MS4A7: variants seen among roughly 807,000 people sequenced by gnomAD.
MS4A7 encodes the protein membrane spanning 4-domains A7.
MS4A7 carries 21 observed loss-of-function variants against 23.5 expected under a neutral mutation model. The observed-to-expected ratio is 0.89, with a 90% CI of 0.63 to 1.29. MS4A7 has a LOEUF of 1.29. Among genes scored for constraint, MS4A7 ranks in the 50% most tolerant of loss-of-function variants. The pLI, the probability that MS4A7 is intolerant of heterozygous loss-of-function variation, is 0.00. For synonymous variants in MS4A7, 111 were observed against 107.4 expected (o/e 1.03, Z -0.21); for missense variants, 263 against 274.2 (o/e 0.96, Z 0.29).
Position 60,389,503 on chromosome 11 carries a change from A to G in MS4A7, c.453A>G (p.Ser151=). Reference sequence around the variant, plus strand: ...GGACTGCCTCTCAACATTGTGGCTCAGAAATGGATTATCTATCCTCATTGC... The same window carrying G: ...GGACTGCCTCTCAACATTGTGGCTCGGAAATGGATTATCTATCCTCATTGC... ...ALRTASQHCG[S]EMDYLSSLPY... is the part of the protein sequence containing the mutation. The change falls in exon 5 of 7, where the codon TCA becomes TCG. Residue 151 remains serine, a synonymous_variant. Coordinates refer to ENST00000300184, the MANE Select transcript of MS4A7 (RefSeq NM_021201.5). 1.2e-6 allele frequency: 2 copies of G among 1,614,124 alleles called. No individual in the cohort carries two copies. Among genetic ancestry groups the G allele is most frequent in the South Asian group, 2.2e-5 (2 of 91,086 alleles).
chr11:60,392,190 A>T (rs890045312), intron 5 of MS4A7, among the ~76,000 whole-genome samples: 4 of 152,140 alleles, frequency 2.6e-5, no homozygotes, highest in Non-Finnish European at 4.4e-5. Flanking sequence ...CCTAAAAGGT[A>T]TGATGGATGC....
chr11:60,385,704 G>A (rs1184691256), intron 3 of MS4A7, among the ~76,000 whole-genome samples: 1 of 152,184 alleles, frequency 6.6e-6, no homozygotes, highest in Non-Finnish European at 1.5e-5. Flanking sequence ...CATGCTTGCT[G>A]TGTGTCCAGA....
intron 1 of MS4A7, among the ~76,000 whole-genome samples, chr11:60,379,201 C>A (rs1183464143): frequency 6.6e-6 from 1 of 152,180 alleles, no homozygotes; most frequent in Non-Finnish European, 1.5e-5. Flanking sequence ...CATAAAGAAT[C>A]TTGGTTATAT....
intron 2 of MS4A7, 93 bp from the exon 3 acceptor site, chr11:60,384,995 A>ATTT (rs79791578): frequency 0.24 from 290,923 of 1,194,574 alleles, 37,755 homozygotes; most frequent in Non-Finnish European, 0.26. Flanking sequence ...ATTATAATGT[A>ATTT]TTTTATACTC....
chr11:60,394,908 C>A lies in MS4A7; in HGVS notation c.*1047C>A, dbSNP rs943257657. ...AATAAAATAAAAAAGAATATTCAGT[C>A]GTTGGCACATAAACTATGTTCTCTT... On this transcript the variant is annotated 3_prime_UTR_variant, in exon 7 of 7. Transcript: ENST00000300184. 1 of 585,704 alleles carries A rather than the reference C, an allele frequency of 1.7e-6. No individual in the cohort carries two copies. Among genetic ancestry groups the A allele is most frequent in the Non-Finnish European group, 3.1e-6 (1 of 323,786 alleles). The allele number at this position is 585,704 out of a possible 1,614,324, so 36.3% of individuals were successfully genotyped here.
chr11:60,383,047 T>C, intron 1 of MS4A7, 82 bp from the exon 2 acceptor site: 1 of 1,449,218 alleles, frequency 6.9e-7, no homozygotes, highest in Non-Finnish European at 9.4e-7. Flanking sequence ...CCTTCTTAAG[T>C]TCCTACAAAG....
At chr11:60,391,508 T>G (rs2085549649) in intron 5 of MS4A7, among the ~76,000 whole-genome samples, 1 of 151,998 alleles carries the variant, frequency 6.6e-6, no homozygotes, top group African/African-American at 2.4e-5. Flanking sequence ...AAAAAATGAG[T>G]AGCGGCAGCA....
chr11:60,383,304 T>C lies in MS4A7; in HGVS notation c.147+16T>C. 6.2e-7 allele frequency: 1 copy of C among 1,613,702 alleles called. No individual in the cohort carries two copies. On this transcript the variant is annotated intron_variant, in intron 2 of 6. Transcript: ENST00000300184. The stretch of plus-strand genomic sequence containing the variant: ...CGTTCTTGGGGTAAGTCCACCTCAT[T>C]ATAAGGGGAATACTGAGAAAATACT...
intron 5 of MS4A7, 75 bp from the exon 6 acceptor site, chr11:60,392,610 T>A: frequency 9.1e-7 from 1 of 1,093,782 alleles, no homozygotes; most frequent in Non-Finnish European, 1.4e-6. Flanking sequence ...TGGAGCCTCA[T>A]CGCCCTGTCT....
Position 60,394,084 on chromosome 11 carries a change from G to A in MS4A7, c.*223G>A. 2.6e-6 allele frequency: 1 copy of A among 380,688 alleles called. No individual in the cohort carries two copies. The allele number at this position is 380,688 out of a possible 1,614,324, so 23.6% of individuals were successfully genotyped here. A position where few individuals can be genotyped will look rare whatever the true frequency, so the allele number is the denominator to read the frequency against. ...TGTTATCAGCCAGTCTTCCAAAATG[G>A]TCATAAACTTTATAAACTGCTTTGG... On this transcript the variant is annotated 3_prime_UTR_variant, in exon 7 of 7. Transcript: ENST00000300184.
At chr11:60,383,334 AAAT>A in intron 2 of MS4A7, 46 bp downstream of exon 2, 1 of 1,603,226 alleles carries the variant, frequency 6.2e-7, no homozygotes, top group Non-Finnish European at 8.5e-7. Flanking sequence ...AATACTTTGT[AAAT>A]GTATCTAGAC....
At chr11:60,379,002 C>T (rs1388301090) in intron 1 of MS4A7, among the ~76,000 whole-genome samples, 1 of 152,210 alleles carries the variant, frequency 6.6e-6, no homozygotes, top group Non-Finnish European at 1.5e-5. Flanking sequence ...TTCTGTAATA[C>T]AGAAAATTGC....
intron 4 of MS4A7, among the ~76,000 whole-genome samples, chr11:60,387,485 C>A (rs546661127): frequency 2.0e-5 from 3 of 152,068 alleles, no homozygotes; most frequent in Non-Finnish European, 4.4e-5. Context: ...AGGGTGTTGC[C>A]GTCTTCATCC....
At position 60,386,750 on chromosome 11, in the gene MS4A7, G is replaced by A. The variant is rs749188985; in HGVS notation, c.316G>A (p.Gly106Arg). The A allele has an allele frequency of 6.2e-7, 1 of 1,612,952 alleles. No individual in the cohort carries two copies. The highest frequency in any genetic ancestry group is 1.1e-5 in the South Asian group (1 of 90,972). ...TACTGGATCCCTCTCAATTATCTCT[G>A]GAAAACAATCAACTAAGCCCTTTGT... ...GITGSLSIIS[G>R]KQSTKPFDLS... Residue 106 changes from glycine (G) to arginine (R), a missense_variant, in exon 4 of 7, where the codon GGA becomes AGA. By Grantham distance (125) the Gly-to-Arg change is moderately radical. Transcript: ENST00000300184.
At chr11:60,390,782 G>A (rs981729791) in intron 5 of MS4A7, among the ~76,000 whole-genome samples, 1 of 152,096 alleles carries the variant, frequency 6.6e-6, no homozygotes, top group African/African-American at 2.4e-5. Flanking sequence ...TTGCAACATA[G>A]CAGACTAAGC....
intron 3 of MS4A7, 41 bp from the exon 4 acceptor site, chr11:60,386,676 A>C: frequency 6.5e-7 from 1 of 1,547,898 alleles, no homozygotes; most frequent in Non-Finnish European, 8.9e-7. Flanking sequence ...GCACATTTCC[A>C]CAAGACAACT....
At chr11:60,385,855 G>A (rs776048974) in intron 3 of MS4A7, among the ~76,000 whole-genome samples, 1 of 152,218 alleles carries the variant, frequency 6.6e-6, no homozygotes, top group Non-Finnish European at 1.5e-5. Flanking sequence ...TCTCCACGTA[G>A]TATTTGGTAC....
chr11:60,392,991 C>T (rs2085570791), intron 6 of MS4A7, among the ~76,000 whole-genome samples: 1 of 152,118 alleles, frequency 6.6e-6, no homozygotes, highest in Non-Finnish European at 1.5e-5. Flanking sequence ...TGCAGTGGCA[C>T]ACGCCTGTAG....
At chr11:60,391,855 G>T (rs1233953080) in intron 5 of MS4A7, among the ~76,000 whole-genome samples, 1 of 151,078 alleles carries the variant, frequency 6.6e-6, no homozygotes, top group Non-Finnish European at 1.5e-5. Context: ...GGAGGCAGAG[G>T]TTGCAGTGAG....
Sources: allele counts gnomAD v4.1 joint callset (sites outside exome capture counted in the v4.1 genomes callset), GRCh38; gene constraint gnomAD v4.1.1; transcripts MANE v1.5; gene names NCBI Gene and HGNC (gene_info 2026-07-23, HGNC 2026-07-21).